The following ADM variants were observed in gnomAD, a reference collection of about 807,000 sequenced individuals.
The protein encoded by ADM is pro-adrenomedullin.
A neutral mutation model predicts 9.0 loss-of-function variants in ADM; 4 were observed. The observed-to-expected ratio is 0.44, with a 90% CI of 0.22 to 1.02. The LOEUF (loss-of-function observed/expected upper bound fraction) is 1.02, where lower values mean the gene tolerates loss of function less well. Among genes scored for constraint, ADM ranks in the 50% least tolerant of loss-of-function variants. The probability of loss-of-function intolerance (pLI) is 0.24; values close to 1 mark genes in which losing one functional copy is unlikely to be tolerated. For missense variants in ADM, 253 were observed against 254.1 expected (o/e 1.00, Z 0.03); for synonymous variants, 107 against 107.2 (o/e 1.00, Z 0.01).
chr11:10,306,327 C>A lies in ADM; in HGVS notation c.249-5C>A, dbSNP rs201286035. 1.3e-6 allele frequency: 2 copies of A among 1,595,866 alleles called. No individual in the cohort carries two copies. Among genetic ancestry groups the A allele is most frequent in the East Asian group, 2.2e-5 (1 of 44,538 alleles). Reference sequence around the variant, plus strand: ...TGCCTTTCTTCCCCCTCCCCCCGCCCGCAGCAGTCCGGATGCCGCCCGCAT... The same window carrying A: ...TGCCTTTCTTCCCCCTCCCCCCGCCAGCAGCAGTCCGGATGCCGCCCGCAT... On this transcript the variant is annotated splice_polypyrimidine_tract_variant and splice_region_variant and intron_variant, in intron 3 of 3. Coordinates refer to ENST00000278175, the MANE Select transcript of ADM (RefSeq NM_001124.3).
Position 10,306,319 on chromosome 11 carries a change from C to T in ADM, c.249-13C>T. ...TCTCAAGTTGCCTTTCTTCCCCCTC[C>T]CCCCGCCCGCAGCAGTCCGGATGCC... is the stretch of plus-strand genomic sequence containing the variant. On this transcript the variant is annotated splice_polypyrimidine_tract_variant and intron_variant, in intron 3 of 3. Transcript: ENST00000278175. 1.5e-6 allele frequency: 2 copies of T among 1,370,266 alleles called. No individual in the cohort carries two copies. The highest frequency in any genetic ancestry group is 2.0e-6 in the Non-Finnish European group (2 of 979,972). 84.9% of individuals were successfully genotyped at this position (1,370,266 alleles called of 1,614,324 possible). A position where few individuals can be genotyped will look rare whatever the true frequency, so the allele number is the denominator to read the frequency against.
chr11:10,306,489 G>A lies in ADM; in HGVS notation c.406G>A (p.Ala136Thr). 1 of 1,612,918 alleles carries A rather than the reference G, an allele frequency of 6.2e-7. No homozygotes were observed. The highest frequency in any genetic ancestry group is 8.5e-7 in the Non-Finnish European group (1 of 1,179,790). The change falls in exon 4 of 4, where the codon GCC (alanine) becomes ACC (threonine). Residue 136 changes from alanine to threonine, a missense_variant. Physicochemically the swap from Ala to Thr is moderately conservative, Grantham distance 58. Coordinates refer to ENST00000278175, the MANE Select transcript of ADM (RefSeq NM_001124.3). The stretch of plus-strand genomic sequence containing the variant: ...CACAGATAAGGACAAGGACAACGTC[G>A]CCCCCAGGAGCAAGATCAGCCCCCA... Reference protein sequence around the residue: ...QFTDKDKDNVAPRSKISPQGY... With the variant: ...QFTDKDKDNVTPRSKISPQGY...
In ADM at chr11:10,306,501, A is replaced by G. The variant is rs747129027; in HGVS notation, c.418A>G (p.Lys140Glu). Residue 140 changes from lysine (K) to glutamate (E), a missense_variant, in exon 4 of 4, where the codon AAG (lysine) becomes GAG (glutamate). Transcript: ENST00000278175. Reference sequence around the variant, plus strand: ...CAAGGACAACGTCGCCCCCAGGAGCAAGATCAGCCCCCAGGGCTACGGCCG... The same window carrying G: ...CAAGGACAACGTCGCCCCCAGGAGCGAGATCAGCCCCCAGGGCTACGGCCG... ...KDKDNVAPRS[K>E]ISPQGYGRRR... 1.9e-6 allele frequency: 3 copies of G among 1,609,970 alleles called. No individual in the cohort carries two copies.
In ADM at chr11:10,306,521, C is replaced by G; in HGVS notation, c.438C>G (p.Tyr146Ter). The change falls in exon 4 of 4, where the codon TAC becomes TAG. Residue 146 changes from tyrosine to a stop codon, truncating the protein, a stop_gained. Transcript: ENST00000278175. LOFTEE classifies it low-confidence loss of function (END_TRUNC). ...GGAGCAAGATCAGCCCCCAGGGCTA[C>G]GGCCGCCGGCGCCGGCGCTCCCTGC... ...APRSKISPQG[Y>*]GRRRRRSLPE... 6.2e-7 allele frequency: 1 copy of G among 1,611,934 alleles called. No individual in the cohort carries two copies. Among genetic ancestry groups the G allele is most frequent in the Non-Finnish European group, 8.5e-7 (1 of 1,179,270 alleles).
chr11:10,306,314 C>CGGG lies in ADM; in HGVS notation c.249-18_249-17insGGG. On this transcript the variant is annotated splice_polypyrimidine_tract_variant and intron_variant, in intron 3 of 3. Coordinates refer to ENST00000278175, the MANE Select transcript of ADM (RefSeq NM_001124.3). ...TGGGGTCTCAAGTTGCCTTTCTTCC[C>CGGG]CCTCCCCCCGCCCGCAGCAGTCCGG... is the stretch of plus-strand genomic sequence containing the variant. The CGGG allele has an allele frequency of 1.3e-6, 1 of 791,134 alleles. No individual in the cohort carries two copies. Among genetic ancestry groups the CGGG allele is most frequent in the Non-Finnish European group, 2.0e-6 (1 of 499,194 alleles). 49.0% of individuals were successfully genotyped at this position (791,134 alleles called of 1,614,324 possible).
chr11:10,306,494 C>G lies in ADM; in HGVS notation c.411C>G (p.Pro137=). The G allele has an allele frequency of 1.9e-6, 3 of 1,613,484 alleles. No individual in the cohort carries two copies. The East Asian group carries it at 6.7e-5, about 36-fold the overall frequency. ...FTDKDKDNVA[P]RSKISPQGYG... ...ATAAGGACAAGGACAACGTCGCCCC[C>G]AGGAGCAAGATCAGCCCCCAGGGCT... Residue 137 remains proline, a synonymous_variant, in exon 4 of 4, where the codon CCC becomes CCG. Transcript: ENST00000278175.
intron 1 of ADM, 186 bp downstream of exon 1, chr11:10,305,415 G>T: frequency 2.1e-6 from 1 of 476,006 alleles, no homozygotes; most frequent in East Asian, 4.0e-5. Flanking sequence ...AGTCCCCTCT[G>T]CTCCGTCAGC....
chr11:10,307,267 G>A lies in ADM; in HGVS notation c.*626G>A, dbSNP rs565520785. 6.5e-6 allele frequency: 1 copy of A among 152,796 alleles called. No homozygotes were observed. Among genetic ancestry groups the A allele is most frequent in the African/African-American group, 2.4e-5 (1 of 41,574 alleles). 9.5% of individuals were successfully genotyped at this position (152,796 alleles called of 1,614,324 possible). A position where few individuals can be genotyped will look rare whatever the true frequency, so the allele number is the denominator to read the frequency against. On this transcript the variant is annotated 3_prime_UTR_variant, in exon 4 of 4. Coordinates refer to ENST00000278175, the MANE Select transcript of ADM (RefSeq NM_001124.3). This position sits in a 1 kb window ranked among gnomAD's most constrained non-coding sequence, Gnocchi z 4.5. The stretch of plus-strand genomic sequence containing the variant: ...TGTTCGCCGCGTGGAATGTGAGTGT[G>A]TTTGTGTGCATGAAAGAGAAAGACT...
Position 10,306,804 on chromosome 11 carries a change from G to T in ADM, c.*163G>T, listed in dbSNP as rs1263578491. The stretch of plus-strand genomic sequence containing the variant: ...GGCGGCGAGCTCTGGCTTTGCAAGG[G>T]CCCCTCCTTCTGGGGGCTTCGCTTC... On this transcript the variant is annotated 3_prime_UTR_variant, in exon 4 of 4. Coordinates refer to ENST00000278175, the MANE Select transcript of ADM (RefSeq NM_001124.3). 1 of 651,480 alleles carries T rather than the reference G, an allele frequency of 1.5e-6. No individual in the cohort carries two copies. The allele number at this position is 651,480 out of a possible 1,614,324, so 40.4% of individuals were successfully genotyped here. A position where few individuals can be genotyped will look rare whatever the true frequency, so the allele number is the denominator to read the frequency against.
chr11:10,306,317 T>TCCC lies in ADM; in HGVS notation c.249-11_249-9dup. The TCCC allele has an allele frequency of 6.3e-6, 4 of 636,196 alleles. No homozygotes were observed. Among genetic ancestry groups the TCCC allele is most frequent in the Admixed American group, 2.7e-5 (1 of 37,436 alleles). The allele number at this position is 636,196 out of a possible 1,614,324, so 39.4% of individuals were successfully genotyped here. A position where few individuals can be genotyped will look rare whatever the true frequency, so the allele number is the denominator to read the frequency against. On this transcript the variant is annotated splice_polypyrimidine_tract_variant and intron_variant, in intron 3 of 3. Transcript: ENST00000278175. ...GGTCTCAAGTTGCCTTTCTTCCCCC[T>TCCC]CCCCCCGCCCGCAGCAGTCCGGATG...
At position 10,305,636 on chromosome 11, in the gene ADM, G is replaced by A. The variant is rs557520675; in HGVS notation, c.-21-44G>A. On this transcript the variant is annotated intron_variant, in intron 1 of 3. Transcript: ENST00000278175. Reference sequence around the variant, plus strand: ...CTCCGTGCCCCGCCCGGGCGGTGCAGCTGGCCCGGGTGCTCACGCTCGACT... The same window carrying A: ...CTCCGTGCCCCGCCCGGGCGGTGCAACTGGCCCGGGTGCTCACGCTCGACT... The A allele has an allele frequency of 4.4e-3, 6,848 of 1,551,682 alleles. 36 individuals carry two copies. The highest frequency in any genetic ancestry group is 9.3e-3 in the Middle Eastern group (55 of 5,896).
chr11:10,306,384 AAC>A lies in ADM; in HGVS notation c.302_303del (p.Asn101IlefsTer29). ...RVKRYRQSMN[N>X]FQGLRSFGCR... ...CAAGCGCTACCGCCAGAGCATGAACAACTTCCAGGGCCTCCGGAGCTTTGGCT... is the reference window on the plus strand; with the variant it reads ...CAAGCGCTACCGCCAGAGCATGAACATTCCAGGGCCTCCGGAGCTTTGGCT... On this transcript the variant is annotated frameshift_variant, in exon 4 of 4. Coordinates refer to ENST00000278175, the MANE Select transcript of ADM (RefSeq NM_001124.3). LOFTEE classifies it low-confidence loss of function (END_TRUNC). The A allele has an allele frequency of 6.2e-7, 1 of 1,608,624 alleles. No individual in the cohort carries two copies. The highest frequency in any genetic ancestry group is 8.5e-7 in the Non-Finnish European group (1 of 1,178,930).
chr11:10,306,320 C>A lies in ADM; in HGVS notation c.249-12C>A. ...CTCAAGTTGCCTTTCTTCCCCCTCC[C>A]CCCGCCCGCAGCAGTCCGGATGCCG... On this transcript the variant is annotated splice_polypyrimidine_tract_variant and intron_variant, in intron 3 of 3. Coordinates refer to ENST00000278175, the MANE Select transcript of ADM (RefSeq NM_001124.3). 1.4e-6 allele frequency: 2 copies of A among 1,481,244 alleles called. No individual in the cohort carries two copies. The highest frequency in any genetic ancestry group is 1.9e-6 in the Non-Finnish European group (2 of 1,073,670). The allele number at this position is 1,481,244 out of a possible 1,614,324, so 91.8% of individuals were successfully genotyped here. A position where few individuals can be genotyped will look rare whatever the true frequency, so the allele number is the denominator to read the frequency against.
rs1012953715 is a variant in ADM, at chr11:10,307,378, A to G, written c.*737A>G. ...TGGGTGATATGCGAACAGCAAACCA[A>G]TAAACTGTCTCAATGCTGATTCATT... is the stretch of plus-strand genomic sequence containing the variant. On this transcript the variant is annotated 3_prime_UTR_variant, in exon 4 of 4. Coordinates refer to ENST00000278175, the MANE Select transcript of ADM (RefSeq NM_001124.3). The surrounding 1 kb of genome is among the most constrained non-coding windows in gnomAD (Gnocchi z 4.5). The G allele has an allele frequency of 6.5e-6, 1 of 152,678 alleles. No homozygotes were observed. Among genetic ancestry groups the G allele is most frequent in the Admixed American group, 6.5e-5 (1 of 15,292 alleles). 9.5% of individuals were successfully genotyped at this position (152,678 alleles called of 1,614,324 possible).
chr11:10,305,807 G>T lies in ADM; in HGVS notation c.98+9G>T. ...TCGGAGTTTCGAAAGAAGTGAGTCC[G>T]GGCAGCGCCTTCCCCCTTGCTGGTA... On this transcript the variant is annotated intron_variant, in intron 2 of 3. Coordinates refer to ENST00000278175, the MANE Select transcript of ADM (RefSeq NM_001124.3). 1 of 1,614,042 alleles carries T rather than the reference G, an allele frequency of 6.2e-7. No homozygotes were observed. The highest frequency in any genetic ancestry group is 2.2e-5 in the East Asian group (1 of 44,848).
chr11:10,306,430 C>T lies in ADM; in HGVS notation c.347C>T (p.Thr116Met). ...TTTGGCTGCCGCTTCGGGACGTGCA[C>T]GGTGCAGAAGCTGGCACACCAGATC... ...RSFGCRFGTC[T>M]VQKLAHQIYQ... Residue 116 changes from threonine (T) to methionine (M), a missense_variant, in exon 4 of 4, where the codon ACG (threonine) becomes ATG (methionine). Physicochemically the swap from Thr to Met is moderately conservative, Grantham distance 81. Transcript: ENST00000278175. The T allele has an allele frequency of 6.2e-7, 1 of 1,612,708 alleles. No individual in the cohort carries two copies. The highest frequency in any genetic ancestry group is 8.5e-7 in the Non-Finnish European group (1 of 1,179,752).
chr11:10,305,591 C>A, intron 1 of ADM, 89 bp from the exon 2 acceptor site: 2 of 1,150,448 alleles, frequency 1.7e-6, no homozygotes, highest in East Asian at 2.5e-5. Context: ...AAACCCGCCT[C>A]GCCGGGGCCC....
chr11:10,305,506 C>T (rs1964643206), intron 1 of ADM, 174 bp from the exon 2 acceptor site: 5 of 594,442 alleles, frequency 8.4e-6, no homozygotes, highest in South Asian at 8.2e-5. Flanking sequence ...TGTCACCCGG[C>T]CGGCGCGTGC....
At chr11:10,305,462 C>A in intron 1 of ADM, 2 of 555,404 alleles carry the variant, frequency 3.6e-6, no homozygotes, top group South Asian at 4.2e-5. Flanking sequence ...CCTCTGGGAG[C>A]CTGGCGGGGT....
Sources: gnomAD v4.1 joint callset for allele counts on GRCh38, gnomAD v4.1.1 for gene constraint, Gnocchi (gnomAD v3.1) non-coding constraint, MANE v1.5 for transcripts, NCBI Gene and HGNC (gene_info 2026-07-23, HGNC 2026-07-21) for gene names.